The following SLC2A7 variants were observed in gnomAD, a reference collection of about 807,000 sequenced individuals.
SLC2A7 encodes solute carrier family 2, facilitated glucose transporter member 7.
In SLC2A7, 50 loss-of-function variants were observed where a neutral mutation model predicts 50.5. The observed-to-expected ratio is 0.99, with a 90% CI of 0.79 to 1.25. SLC2A7 has a LOEUF of 1.25. Among genes scored for constraint, SLC2A7 ranks in the 50% most tolerant of loss-of-function variants. The pLI is 0.00. For synonymous variants in SLC2A7, 308 were observed against 300.4 expected (o/e 1.03, Z -0.26); for missense variants, 683 against 679.1 (o/e 1.01, Z -0.06).
chr1:9,014,820 T>C lies in SLC2A7; in HGVS notation c.764A>G (p.Asp255Gly). The change falls in exon 7 of 12, where the codon GAC (aspartate) becomes GGC (glycine). Residue 255 changes from aspartate to glycine, a missense_variant. Coordinates refer to ENST00000400906, the MANE Select transcript of SLC2A7 (RefSeq NM_207420.3). ...CTCGGCCCGGGCCTCCGCACGCATG[T>C]CCTCCAGCTCGGCCTCCATGTCCGT... ...GHTDMEAELE[D>G]MRAEARAERA... The C allele has an allele frequency of 6.2e-7, 1 of 1,605,584 alleles. No individual in the cohort carries two copies. The highest frequency in any genetic ancestry group is 8.5e-7 in the Non-Finnish European group (1 of 1,176,920).
chr1:9,017,507 A>G (rs1640848360), intron 5 of SLC2A7, among the ~76,000 whole-genome samples: 1 of 152,164 alleles, frequency 6.6e-6, no homozygotes, highest in Non-Finnish European at 1.5e-5. Context: ...GGGTCTCCCC[A>G]CTCAGTCCAT....
chr1:9,015,263 A>T (rs761120140), intron 5 of SLC2A7, 21 bp from the exon 6 acceptor site: 1 of 1,565,242 alleles, frequency 6.4e-7, no homozygotes, highest in South Asian at 1.2e-5. Context: ...CCAAGGACTC[A>T]GGATCCCGGG....
Position 9,023,000 on chromosome 1 carries a change from A to C in SLC2A7, c.229T>G (p.Trp77Gly), listed in dbSNP as rs188108161. The stretch of plus-strand genomic sequence containing the variant: ...GGAAACATGGAGACGGTGCAAGACC[A>C]TAGAAGCAGCATGAGCTTCCCGTCC... The part of the protein sequence containing the change: ...FMDGKLMLLL[W>G]SCTVSMFPLG... The change falls in exon 3 of 12, where the codon TGG (tryptophan) becomes GGG (glycine). Residue 77 changes from tryptophan (W) to glycine (G), a missense_variant. Trp to Gly is a radical substitution (Grantham distance 184). Coordinates refer to ENST00000400906, the MANE Select transcript of SLC2A7 (RefSeq NM_207420.3). The C allele has an allele frequency of 1.2e-6, 2 of 1,614,204 alleles. No homozygotes were observed. The highest frequency in any genetic ancestry group is 1.7e-5 in the Admixed American group (1 of 60,020).
At chr1:8,993,765 C>T in the SLC2A7 span, among the ~76,000 whole-genome samples, 1 of 152,106 alleles carries the variant, frequency 6.6e-6, no homozygotes, top group Non-Finnish European at 1.5e-5. Context: ...GTAGCTGGGA[C>T]TACAGGTGTG....
chr1:9,021,854 A>G (rs1030364871), intron 3 of SLC2A7, among the ~76,000 whole-genome samples: 2 of 152,150 alleles, frequency 1.3e-5, no homozygotes, highest in African/African-American at 4.8e-5. Context: ...CAGGCTCTTC[A>G]TCTGGAAAAT....
chr1:9,001,846 C>T (rs1640579599), downstream of SLC2A7, among the ~76,000 whole-genome samples: 1 of 152,106 alleles, frequency 6.6e-6, no homozygotes, highest in South Asian at 2.1e-4. Flanking sequence ...AGAGATCAGA[C>T]TGCTACTGTG....
chr1:9,014,559 C>T (rs1640796780), intron 7 of SLC2A7, 122 bp downstream of exon 7: 2 of 1,212,038 alleles, frequency 1.7e-6, no homozygotes, highest in African/African-American at 3.1e-5. Flanking sequence ...ACATCTGGCT[C>T]TGCCTGGACT....
chr1:9,014,681 C>A lies in SLC2A7; in HGVS notation c.903G>T (p.Ala301=), dbSNP rs1468927401. 1 of 1,554,628 alleles carries A rather than the reference C, an allele frequency of 6.4e-7. No individual in the cohort carries two copies. The highest frequency in any genetic ancestry group is 2.4e-5 in the East Asian group (1 of 41,196). Reference sequence around the variant, plus strand: ...CCTGCCTGGCCACCGTCCCACATACCGCATTGATGCCCGACAGCTGCTGGC... The same window carrying A: ...CCTGCCTGGCCACCGTCCCACATACAGCATTGATGCCCGACAGCTGCTGGC... The part of the protein sequence containing the change: ...MAGQQLSGIN[A]INYYADTIYT... The change falls in exon 7 of 12, where the codon GCG becomes GCT. Residue 301 remains alanine, a splice_region_variant and synonymous_variant. Transcript: ENST00000400906.
downstream of SLC2A7, among the ~76,000 whole-genome samples, chr1:9,002,872 C>T (rs371621139): frequency 4.6e-5 from 7 of 152,162 alleles, no homozygotes; most frequent in African/African-American, 1.4e-4. Flanking sequence ...CCTGCAGCCA[C>T]GGGGTGGAGA....
At chr1:9,005,781 CAAAAAAAA>C (rs75636224) in intron 10 of SLC2A7, among the ~76,000 whole-genome samples, 6 of 42,642 alleles carry the variant, frequency 1.4e-4, no homozygotes, top group Non-Finnish European at 3.3e-4. Context: ...GACTCCAACT[CAAAAAAAA>C]AAAAAAAAAA....
At chr1:8,993,611 T>C in the SLC2A7 span, among the ~76,000 whole-genome samples, 7 of 152,154 alleles carry the variant, frequency 4.6e-5, no homozygotes, top group Non-Finnish European at 1.0e-4. Flanking sequence ...GAAATAAAAG[T>C]ATTCTATAAA....
chr1:8,996,185 A>G, the SLC2A7 span, among the ~76,000 whole-genome samples: 1 of 152,198 alleles, frequency 6.6e-6, no homozygotes, highest in South Asian at 2.1e-4. Flanking sequence ...ATTGCCCCCA[A>G]AAGTTTCCCC....
At chr1:9,002,072 GCCATTCT>G (rs887103007), downstream of SLC2A7, among the ~76,000 whole-genome samples, 25 of 134,104 alleles carry the variant, frequency 1.9e-4, no homozygotes, top group East Asian at 9.9e-4. Flanking sequence ...AAAAGTCATC[GCCATTCT>G]CCATTGTCGA....
the SLC2A7 span, among the ~76,000 whole-genome samples, chr1:8,993,737 C>T: frequency 6.6e-6 from 1 of 152,222 alleles, no homozygotes; most frequent in Non-Finnish European, 1.5e-5. Flanking sequence ...AAGCGATTCG[C>T]CTGCCTCAGC....
intron 8 of SLC2A7, 145 bp from the exon 9 acceptor site, chr1:9,010,389 G>T: frequency 1.5e-6 from 1 of 661,566 alleles, no homozygotes; most frequent in Non-Finnish European, 2.6e-6. Context: ...ACGGAGTTTT[G>T]CTCTTGCTGC....
intron 3 of SLC2A7, among the ~76,000 whole-genome samples, chr1:9,021,445 C>T (rs1464150533): frequency 2.0e-5 from 3 of 152,176 alleles, no homozygotes; most frequent in Admixed American, 6.5e-5. Flanking sequence ...ACTTTGCACA[C>T]ATCTTTGAGG....
chr1:9,003,835 G>A (rs540631673), intron 11 of SLC2A7, among the ~76,000 whole-genome samples: 19 of 152,102 alleles, frequency 1.2e-4, no homozygotes, highest in Non-Finnish European at 1.8e-4. Flanking sequence ...TCCAGCCTGG[G>A]CAACAGAGCG....
chr1:8,995,914 C>T, the SLC2A7 span, among the ~76,000 whole-genome samples: 2 of 151,930 alleles, frequency 1.3e-5, 1 homozygote, highest in Admixed American at 1.3e-4. Context: ...ACTACAGGCA[C>T]GTGCTATGAC....
chr1:8,994,877 T>C, the SLC2A7 span, among the ~76,000 whole-genome samples: 1 of 151,920 alleles, frequency 6.6e-6, no homozygotes, highest in Non-Finnish European at 1.5e-5. Flanking sequence ...TTCAAGCGAT[T>C]TTCCCACCTC....
Sources: gnomAD v4.1 joint callset for allele counts (sites outside exome capture counted in the v4.1 genomes callset) on GRCh38, gnomAD v4.1.1 for gene constraint, MANE v1.5 for transcripts, NCBI Gene and HGNC (gene_info 2026-07-23, HGNC 2026-07-21) for gene names.